Variants in HACE1 observed in about 807,000 individuals in gnomAD.
HACE1 encodes the protein E3 ubiquitin-protein ligase HACE1.
Under a neutral mutation model 118.4 loss-of-function variants are expected in HACE1, and 73 were observed. The ratio of observed to expected loss-of-function variants is 0.62; its 90% confidence interval spans 0.51 to 0.75. The LOEUF (loss-of-function observed/expected upper bound fraction) is 0.75. HACE1 is among the 30% of genes least tolerant of loss of function. The pLI is 0.00. For synonymous variants in HACE1, 368 were observed against 374.8 expected (o/e 0.98, Z 0.21); for missense variants, 749 against 1,102.2 (o/e 0.68, Z 4.54).
chr6:104,811,959 A>G (rs1771670431), intron 6 of HACE1, among the ~76,000 whole-genome samples: 1 of 152,146 alleles, frequency 6.6e-6, no homozygotes, highest in African/African-American at 2.4e-5. Flanking sequence ...ACAGTAGCAT[A>G]TACAGGCTCA....
At chr6:104,731,566 T>A (rs1422773837) in intron 22 of HACE1, 8 of 151,988 alleles carry the variant, frequency 5.3e-5, no homozygotes, top group African/African-American at 1.9e-4. Flanking sequence ...ACCCCTCACA[T>A]ACATAATGAA....
chr6:104,820,331 A>C (rs970779654), intron 6 of HACE1, among the ~76,000 whole-genome samples: 1 of 152,196 alleles, frequency 6.6e-6, no homozygotes, highest in African/African-American at 2.4e-5. Context: ...AAGAGTAAAA[A>C]TTGGAAGTTG....
chr6:104,775,681 TTAAA>T (rs766521365), intron 17 of HACE1, among the ~76,000 whole-genome samples: 3 of 152,110 alleles, frequency 2.0e-5, no homozygotes, highest in Non-Finnish European at 4.4e-5. Context: ...GGTTACAGAG[TTAAA>T]GCAGGCAGTT....
At chr6:104,852,503 C>A in intron 1 of HACE1, 132 bp from the exon 2 acceptor site, 1 of 640,858 alleles carries the variant, frequency 1.6e-6, no homozygotes, top group South Asian at 1.7e-5. Context: ...AAGAATAATG[C>A]AGAATACCAG....
At chr6:104,772,866 A>T (rs186807477) in intron 17 of HACE1, among the ~76,000 whole-genome samples, 2 of 152,248 alleles carry the variant, frequency 1.3e-5, no homozygotes, top group East Asian at 3.9e-4. Flanking sequence ...GGGATATGGG[A>T]GATATTGCTT....
At chr6:104,734,864 C>A (rs1362427123) in intron 22 of HACE1, among the ~76,000 whole-genome samples, 2 of 152,152 alleles carry the variant, frequency 1.3e-5, no homozygotes, top group East Asian at 3.9e-4. Context: ...ATTTCTGCAT[C>A]TTAAAGACTC....
At chr6:104,850,299 A>G (rs972566432) in intron 3 of HACE1, among the ~76,000 whole-genome samples, 74 of 152,270 alleles carry the variant, frequency 4.9e-4, no homozygotes, top group African/African-American at 1.5e-3. Flanking sequence ...TCTGACACAA[A>G]TAGTAAACAT....
chr6:104,807,585 C>T (rs1487020462), intron 7 of HACE1, among the ~76,000 whole-genome samples: 2 of 151,966 alleles, frequency 1.3e-5, no homozygotes, highest in Non-Finnish European at 2.9e-5. Context: ...ATTTGAAGAA[C>T]TCAGTTGAAG....
At chr6:104,745,184 T>A (rs1250267444) in intron 20 of HACE1, among the ~76,000 whole-genome samples, 1 of 152,064 alleles carries the variant, frequency 6.6e-6, no homozygotes, top group Non-Finnish European at 1.5e-5. Flanking sequence ...TTCTCCAAAG[T>A]CAAAAAAAAT....
intron 23 of HACE1, 60 bp downstream of exon 23, chr6:104,730,243 G>T: frequency 1.2e-6 from 1 of 863,618 alleles, no homozygotes; most frequent in Non-Finnish European, 2.0e-6. Flanking sequence ...TTAGATCTCT[G>T]ATCATTCAAA....
intron 6 of HACE1, among the ~76,000 whole-genome samples, chr6:104,828,161 A>G (rs1229962935): frequency 3.9e-5 from 6 of 152,036 alleles, no homozygotes; most frequent in Non-Finnish European, 7.4e-5. Context: ...ATGGTCCAAA[A>G]AGCGTTAATA....
chr6:104,848,293 T>C (rs1381779075), intron 4 of HACE1, among the ~76,000 whole-genome samples: 1 of 151,194 alleles, frequency 6.6e-6, no homozygotes, highest in Non-Finnish European at 1.5e-5. Flanking sequence ...CCGTCTCTAC[T>C]AAAAATACAA....
intron 7 of HACE1, among the ~76,000 whole-genome samples, chr6:104,800,153 GC>G (rs1237122029): frequency 6.6e-6 from 1 of 152,048 alleles, no homozygotes; most frequent in Non-Finnish European, 1.5e-5. Flanking sequence ...ATGCAGCCTG[GC>G]GGGGGTAGGG....
At chr6:104,773,186 A>G (rs1780828117) in intron 17 of HACE1, among the ~76,000 whole-genome samples, 1 of 152,240 alleles carries the variant, frequency 6.6e-6, no homozygotes, top group African/African-American at 2.4e-5. Context: ...CAACAAACAC[A>G]TAATGAGCTC....
Position 104,809,655 on chromosome 6 carries a change from CT to C in HACE1, c.617+1655del, listed in dbSNP as rs34661839. ...AAACACAAAGTAACAAGAGCAGATT[CT>C]TTTTTTTTTTTTTTTTTAAGATCAC... On this transcript the variant is annotated intron_variant, in intron 7 of 23. Coordinates refer to ENST00000262903, the MANE Select transcript of HACE1 (RefSeq NM_020771.4). Among the ~76,000 whole-genome samples the C allele has an allele frequency of 6.6e-3, 867 of 130,426 alleles. 1 individual carries two copies. Among genetic ancestry groups the C allele is most frequent in the Admixed American group, 6.3e-3 (82 of 12,984 alleles). 85.6% of individuals were successfully genotyped at this position (130,426 alleles called of 152,430 possible). A position where few individuals can be genotyped will look rare whatever the true frequency, so the allele number is the denominator to read the frequency against.
intron 7 of HACE1, among the ~76,000 whole-genome samples, chr6:104,805,636 T>C (rs1450422412): frequency 2.0e-5 from 3 of 152,044 alleles, no homozygotes; most frequent in East Asian, 1.9e-4. Context: ...TTCTCACTCA[T>C]AGGTGGGAAT....
chr6:104,791,566 G>A lies in HACE1; in HGVS notation c.1012C>T (p.Pro338Ser). ...CHVFRIGPSS[P>S]SNGIDMGYNG... Reference sequence around the variant, plus strand: ...TAGCCCATATCAATTCCATTACTGGGGGAGGATGGACCAATTCGAAAGACG... The same window carrying A: ...TAGCCCATATCAATTCCATTACTGGAGGAGGATGGACCAATTCGAAAGACG... The change falls in exon 11 of 24, where the codon CCC (proline) becomes TCC (serine). Residue 338 changes from proline (P) to serine (S), a missense_variant. Physicochemically the swap from Pro to Ser is moderately conservative, Grantham distance 74. This residue lies in a region of HACE1 where 267 missense variants were observed against 312.2 expected (regional missense o/e 0.86). Transcript: ENST00000262903. 1 of 1,611,860 alleles carries A rather than the reference G, an allele frequency of 6.2e-7. No individual in the cohort carries two copies. Among genetic ancestry groups the A allele is most frequent in the Non-Finnish European group, 8.5e-7 (1 of 1,178,062 alleles).
chr6:104,831,411 C>G (rs1337034498), intron 6 of HACE1: 2 of 151,700 alleles, frequency 1.3e-5, no homozygotes, highest in Admixed American at 6.6e-5. Flanking sequence ...ATGGCAAAAC[C>G]CCATCTCTAC....
chr6:104,736,417 T>C (rs1305036091), intron 22 of HACE1, among the ~76,000 whole-genome samples: 1 of 152,096 alleles, frequency 6.6e-6, no homozygotes, highest in African/African-American at 2.4e-5. Context: ...CCTGAGTAGC[T>C]GGGACCACAG....
Sources: allele counts gnomAD v4.1 joint callset (sites outside exome capture counted in the v4.1 genomes callset), GRCh38; gene constraint gnomAD v4.1.1; regional missense constraint gnomAD v4.1.1; transcripts MANE v1.5; gene names NCBI Gene and HGNC (gene_info 2026-07-23, HGNC 2026-07-21).